ABTB3: variants seen among roughly 807,000 people sequenced by gnomAD.
ABTB3 encodes the protein ankyrin repeat and BTB domain containing 3, also known as ankyrin repeat- and BTB/POZ domain-containing protein 3.
At chr12:107,430,438 C>A in the ABTB3 span, among the ~76,000 whole-genome samples, 1 of 152,174 alleles carries the variant, frequency 6.6e-6, no homozygotes, top group African/African-American at 2.4e-5. Flanking sequence ...CTTGAAAATT[C>A]TGTACAATTT....
At chr12:107,473,810 T>C in the ABTB3 span, among the ~76,000 whole-genome samples, 2 of 151,722 alleles carry the variant, frequency 1.3e-5, no homozygotes, top group Non-Finnish European at 2.9e-5. Flanking sequence ...TTTTTCTTTT[T>C]TTTTTTTTTG....
At chr12:107,613,570 C>T in the ABTB3 span, among the ~76,000 whole-genome samples, 9 of 152,184 alleles carry the variant, frequency 5.9e-5, no homozygotes, top group South Asian at 1.9e-3. Context: ...CTCTCCCAAT[C>T]TGCAGAACGG....
chr12:107,324,049 G>C, the ABTB3 span, among the ~76,000 whole-genome samples: 7 of 152,152 alleles, frequency 4.6e-5, no homozygotes, highest in African/African-American at 1.7e-4. Context: ...AGTTTCCTCA[G>C]CTGTAAAACA....
the ABTB3 span, among the ~76,000 whole-genome samples, chr12:107,653,312 C>G: frequency 6.6e-6 from 1 of 152,026 alleles, no homozygotes; most frequent in African/African-American, 2.4e-5. Context: ...GTCAGGAGAT[C>G]GAGACCATCC....
chr12:107,435,629 T>C, the ABTB3 span, among the ~76,000 whole-genome samples: 1 of 152,228 alleles, frequency 6.6e-6, no homozygotes, highest in Non-Finnish European at 1.5e-5. Flanking sequence ...ACATATACGA[T>C]ATAAGAGGGT....
the ABTB3 span, chr12:107,612,938 G>A: frequency 1.4e-6 from 2 of 1,446,560 alleles, no homozygotes; most frequent in Admixed American, 1.9e-5. Flanking sequence ...AAGAAAGGGG[G>A]GCTTTTTCTC....
the ABTB3 span, among the ~76,000 whole-genome samples, chr12:107,555,362 G>A: frequency 6.6e-6 from 1 of 152,196 alleles, no homozygotes; most frequent in African/African-American, 2.4e-5. Flanking sequence ...CAGCCGAGGG[G>A]TAGAAATTGT....
the ABTB3 span, among the ~76,000 whole-genome samples, chr12:107,374,134 C>A: frequency 6.6e-6 from 1 of 152,182 alleles, no homozygotes; most frequent in South Asian, 2.1e-4. Flanking sequence ...GCAGCCTCCC[C>A]TCCGTCTGCC....
At chr12:107,415,038 GACT>G in the ABTB3 span, among the ~76,000 whole-genome samples, 4 of 152,026 alleles carry the variant, frequency 2.6e-5, no homozygotes, top group African/African-American at 4.8e-5. Context: ...ATCCCACGCA[GACT>G]ACACTCCCAC....
the ABTB3 span, among the ~76,000 whole-genome samples, chr12:107,498,470 G>T: frequency 2.0e-5 from 3 of 152,184 alleles, no homozygotes; most frequent in East Asian, 5.8e-4. Context: ...TAAGACAACA[G>T]AAATTTATTC....
the ABTB3 span, among the ~76,000 whole-genome samples, chr12:107,542,808 A>C: frequency 0.048 from 7,356 of 152,322 alleles, 563 homozygotes; most frequent in African/African-American, 0.16. Context: ...TAAGGAAACC[A>C]TAAGGAAGAG....
the ABTB3 span, among the ~76,000 whole-genome samples, chr12:107,519,848 A>G: frequency 2.6e-5 from 4 of 152,218 alleles, no homozygotes; most frequent in African/African-American, 9.7e-5. Context: ...GTAAGTTCCC[A>G]GCTTCTCACT....
chr12:107,460,483 C>T, the ABTB3 span, among the ~76,000 whole-genome samples: 24 of 152,150 alleles, frequency 1.6e-4, no homozygotes, highest in African/African-American at 5.1e-4. Flanking sequence ...GACGAAACCA[C>T]GCCTCTACTA....
the ABTB3 span, among the ~76,000 whole-genome samples, chr12:107,394,631 T>C: frequency 6.6e-6 from 1 of 152,234 alleles, no homozygotes; most frequent in African/African-American, 2.4e-5. Context: ...AGTTACTAGC[T>C]GTGTTACTTA....
At chr12:107,433,296 CAAAAAAAAAAA>C in the ABTB3 span, among the ~76,000 whole-genome samples, 7 of 23,116 alleles carry the variant, frequency 3.0e-4, no homozygotes, top group African/African-American at 6.4e-4. Flanking sequence ...GACTCCGTCT[CAAAAAAAAAAA>C]AAAAAAAAAA....
chr12:107,387,104 A>G, the ABTB3 span, among the ~76,000 whole-genome samples: 1 of 151,262 alleles, frequency 6.6e-6, no homozygotes, highest in African/African-American at 2.4e-5. Context: ...CAGCCTCCTG[A>G]GTAGCTGGGA....
At chr12:107,657,473 CG>C in the ABTB3 span, 1 of 1,578,292 alleles carries the variant, frequency 6.3e-7, no homozygotes, top group South Asian at 1.1e-5. Flanking sequence ...TTTTCGGAAG[CG>C]TAACCATCTC....
At chr12:107,418,628 C>T in the ABTB3 span, among the ~76,000 whole-genome samples, 1 of 152,194 alleles carries the variant, frequency 6.6e-6, no homozygotes, top group African/African-American at 2.4e-5. Context: ...ATCGTGAGAA[C>T]AGCAGCATGT....
At chr12:107,644,888 C>T in the ABTB3 span, among the ~76,000 whole-genome samples, 1 of 151,488 alleles carries the variant, frequency 6.6e-6, no homozygotes, top group South Asian at 2.1e-4. Context: ...TCTCCAGCTC[C>T]ATCCATGTTG....
Sources: allele counts gnomAD v4.1 joint callset (sites outside exome capture counted in the v4.1 genomes callset), GRCh38; gene constraint gnomAD v4.1.1; transcripts MANE v1.5; gene names NCBI Gene and HGNC (gene_info 2026-07-23, HGNC 2026-07-21).